Variants in CTNNA3 observed in about 807,000 individuals in gnomAD.
The protein encoded by CTNNA3 is catenin alpha-3.
Under a neutral mutation model 95.7 loss-of-function variants are expected in CTNNA3, and 76 were observed. The ratio of observed to expected loss-of-function variants is 0.79; its 90% CI spans 0.66 to 0.96. The LOEUF is 0.96. Ranked by LOEUF, CTNNA3 falls within the 40% of genes least tolerant of loss-of-function variation. CTNNA3 has a pLI of 0.00. For synonymous variants in CTNNA3, 431 were observed against 374.4 expected (o/e 1.15, Z -1.74); for missense variants, 1,191 against 1,089.8 (o/e 1.09, Z -1.31).
At chr10:66,800,691 C>G (rs1300004684) in intron 7 of CTNNA3, among the ~76,000 whole-genome samples, 1 of 151,192 alleles carries the variant, frequency 6.6e-6, no homozygotes, top group Non-Finnish European at 1.5e-5. Context: ...GAAACTACAA[C>G]TATATAGGAA....
At chr10:66,510,193 G>T (rs1401156718) in intron 11 of CTNNA3, among the ~76,000 whole-genome samples, 1 of 151,584 alleles carries the variant, frequency 6.6e-6, no homozygotes. Flanking sequence ...TTTTCACCTA[G>T]TTCATTACTG....
chr10:66,515,233 A>C (rs976612665), intron 11 of CTNNA3, among the ~76,000 whole-genome samples: 4 of 151,710 alleles, frequency 2.6e-5, no homozygotes, highest in Non-Finnish European at 4.4e-5. Context: ...ATTCAGAAGA[A>C]AATGGAAATC....
chr10:67,459,652 A>G (rs1463851865), intron 5 of CTNNA3, among the ~76,000 whole-genome samples: 1 of 152,204 alleles, frequency 6.6e-6, no homozygotes, highest in Non-Finnish European at 1.5e-5. Context: ...CATAAACTGT[A>G]CTTGTCTCAT....
At chr10:66,883,296 A>C (rs1844916139) in intron 7 of CTNNA3, among the ~76,000 whole-genome samples, 1 of 152,112 alleles carries the variant, frequency 6.6e-6, no homozygotes, top group Non-Finnish European at 1.5e-5. Context: ...CTGAAGCCTC[A>C]GGGCAGAGAT....
intron 11 of CTNNA3, among the ~76,000 whole-genome samples, chr10:66,500,164 T>A (rs1314560441): frequency 6.6e-6 from 1 of 152,054 alleles, no homozygotes; most frequent in East Asian, 1.9e-4. Context: ...AAAACAAAAC[T>A]CACACATACA....
chr10:66,579,380 G>A (rs1843112308), intron 10 of CTNNA3, among the ~76,000 whole-genome samples: 1 of 151,804 alleles, frequency 6.6e-6, no homozygotes, highest in African/African-American at 2.4e-5. Flanking sequence ...ATCAGATTAT[G>A]AATGGATTAT....
At chr10:67,172,463 G>T (rs76967689) in intron 7 of CTNNA3, among the ~76,000 whole-genome samples, 12,683 of 152,024 alleles carry the variant, frequency 0.083, 589 homozygotes, top group South Asian at 0.2. Flanking sequence ...AAATCTGTCA[G>T]AAAAATGTGT....
At chr10:66,410,392 C>A (rs1455174705) in intron 11 of CTNNA3, among the ~76,000 whole-genome samples, 1 of 152,138 alleles carries the variant, frequency 6.6e-6, no homozygotes, top group Non-Finnish European at 1.5e-5. Context: ...TCTAGAAAAA[C>A]CAAAGGGGCA....
At chr10:67,691,711 G>T (rs1589569865) in intron 1 of CTNNA3, among the ~76,000 whole-genome samples, 1 of 151,798 alleles carries the variant, frequency 6.6e-6, no homozygotes, top group African/African-American at 2.4e-5. Context: ...ACCCCGTCTG[G>T]GAAGTGAGGA....
At position 66,069,347 on chromosome 10, in the gene CTNNA3, T is replaced by C; in HGVS notation, c.2120A>G (p.Asn707Ser). The C allele has an allele frequency of 2.5e-6, 4 of 1,613,680 alleles. No individual in the cohort carries two copies. The highest frequency in any genetic ancestry group is 3.4e-6 in the Non-Finnish European group (4 of 1,179,742). Reference protein sequence around the residue: ...TSNDIIVLAKNMCMIMMEMTD... With the variant: ...TSNDIIVLAKSMCMIMMEMTD... ...CATCTCCATCATGATCATACACATGTTCTTGGCCAGAACAATGATGTCGTT... is the reference window on the plus strand; with the variant it reads ...CATCTCCATCATGATCATACACATGCTCTTGGCCAGAACAATGATGTCGTT... Residue 707 changes from asparagine (N) to serine (S), a missense_variant, in exon 15 of 18, where the codon AAC (asparagine) becomes AGC (serine). By Grantham distance (46) the Asn-to-Ser change is conservative. Transcript: ENST00000433211.
At chr10:67,482,991 A>G (rs1848296955) in intron 5 of CTNNA3, among the ~76,000 whole-genome samples, 1 of 152,178 alleles carries the variant, frequency 6.6e-6, no homozygotes, top group Non-Finnish European at 1.5e-5. Flanking sequence ...GAAGACATTT[A>G]TGTAGCCAAA....
At position 66,308,520 on chromosome 10, in the gene CTNNA3, T is replaced by C. The variant is rs146664644; in HGVS notation, c.1733-27899A>G. ...GGCATCATTTTTAGCCATTAATATC[T>C]GAAAAAGATAGCAATTTATAAACAA... On this transcript the variant is annotated intron_variant, in intron 12 of 17. Coordinates refer to ENST00000433211, the MANE Select transcript of CTNNA3 (RefSeq NM_013266.4). 8.1e-3 allele frequency among the ~76,000 whole-genome samples: 1,241 copies of C among 152,302 alleles called. 13 individuals carry two copies. Among genetic ancestry groups the C allele is most frequent in the African/African-American group, 0.028 (1,178 of 41,582 alleles).
rs536687539 is a variant in CTNNA3, at chr10:66,894,897, ATG to A, written c.1048-119375_1048-119374del. Among the ~76,000 whole-genome samples, 538 of 151,876 alleles carry A rather than the reference ATG, an allele frequency of 3.5e-3. 2 individuals are homozygous for A. The highest frequency in any genetic ancestry group is 0.012 in the African/African-American group (510 of 41,492). On this transcript the variant is annotated intron_variant, in intron 7 of 17. Coordinates refer to ENST00000433211, the MANE Select transcript of CTNNA3 (RefSeq NM_013266.4). Reference sequence around the variant, plus strand: ...TTTGTAGATACTAATACTGTAATTTATGTGTATATATAGTAGGCGTTTCATTT... The same window carrying A: ...TTTGTAGATACTAATACTGTAATTTATGTATATATAGTAGGCGTTTCATTT...
chr10:66,158,573 A>G (rs1490279826), intron 13 of CTNNA3, among the ~76,000 whole-genome samples: 1 of 152,144 alleles, frequency 6.6e-6, no homozygotes, highest in Non-Finnish European at 1.5e-5. Context: ...GTTTGAAGTC[A>G]GGTAATGTGA....
intron 9 of CTNNA3, among the ~76,000 whole-genome samples, chr10:66,687,405 T>A (rs148906439): frequency 6.6e-6 from 1 of 152,260 alleles, no homozygotes; most frequent in African/African-American, 2.4e-5. Flanking sequence ...CCTAATATGA[T>A]AAGAGCATTT....
chr10:67,166,889 T>C (rs1407845669), intron 7 of CTNNA3, among the ~76,000 whole-genome samples: 1 of 152,112 alleles, frequency 6.6e-6, no homozygotes, highest in Non-Finnish European at 1.5e-5. Context: ...GGTGGATCAT[T>C]TGAGGTCAGG....
At chr10:66,916,246 T>C (rs141190180) in intron 7 of CTNNA3, among the ~76,000 whole-genome samples, 1 of 152,238 alleles carries the variant, frequency 6.6e-6, no homozygotes, top group Non-Finnish European at 1.5e-5. Flanking sequence ...ACAGTGATTG[T>C]GAGTCATATC....
chr10:66,864,394 G>A (rs966972196), intron 7 of CTNNA3, among the ~76,000 whole-genome samples: 11 of 152,188 alleles, frequency 7.2e-5, no homozygotes, highest in Admixed American at 2.6e-4. Flanking sequence ...ACCTTCCCAT[G>A]TAATGACATA....
intron 7 of CTNNA3, among the ~76,000 whole-genome samples, chr10:67,039,270 AGAAATCCT>A (rs750903941): frequency 3.9e-5 from 6 of 152,170 alleles, no homozygotes; most frequent in Non-Finnish European, 8.8e-5. Flanking sequence ...AGCAGCTGTT[AGAAATCCT>A]GAATATTATA....
Sources: gnomAD v4.1 joint callset for allele counts (sites outside exome capture counted in the v4.1 genomes callset) on GRCh38, gnomAD v4.1.1 for gene constraint, MANE v1.5 for transcripts, NCBI Gene and HGNC (gene_info 2026-07-23, HGNC 2026-07-21) for gene names.